The following DALRD3 variants were observed in gnomAD, a reference collection of about 807,000 sequenced individuals.
DALRD3 encodes the protein DALR anticodon binding domain containing 3.
In DALRD3, 47 loss-of-function variants were observed where a neutral mutation model predicts 56.7. The observed-to-expected ratio is 0.83, with a 90% CI of 0.66 to 1.06. The LOEUF is 1.06. Ranked by LOEUF, DALRD3 falls within the 50% of genes least tolerant of loss-of-function variation. The pLI, the probability that DALRD3 is intolerant of heterozygous loss-of-function variation, is 0.00. For synonymous variants in DALRD3, 347 were observed against 308.5 expected (o/e 1.12, Z -1.31); for missense variants, 787 against 724.0 (o/e 1.09, Z -1.00).
chr3:49,017,240 A>G lies in DALRD3; in HGVS notation c.915T>C (p.Ala305=). 1 of 1,614,166 alleles carries G rather than the reference A, an allele frequency of 6.2e-7. No homozygotes were observed. The highest frequency in any genetic ancestry group is 8.5e-7 in the Non-Finnish European group (1 of 1,180,012). ...ATTATTAACCTACCTGTCTGAGTGG[A>G]GCCTTGTCAACCAACTTCTGCCAAA... The part of the protein sequence containing the change: ...DLLWQKLVDK[A]PLRQKHLICG... The change falls in exon 5 of 12, where the codon GCT becomes GCC. Residue 305 remains alanine, a synonymous_variant. Transcript: ENST00000341949.
upstream of DALRD3, chr3:49,018,991 C>T (rs1575296933): frequency 4.1e-6 from 4 of 985,462 alleles, no homozygotes; most frequent in East Asian, 4.5e-4. Flanking sequence ...CTTTCACGAC[C>T]TACTTAAAAT....
At position 49,015,616 on chromosome 3, in the gene DALRD3, A is replaced by G. The variant is rs1559901298; in HGVS notation, c.1604T>C (p.Leu535Pro). The change falls in exon 12 of 12, where the codon CTG (leucine) becomes CCG (proline). Residue 535 changes from leucine (L) to proline (P), a missense_variant. Transcript: ENST00000341949. ...REVLHTGLAM[L>P]GLPPLSHI is the part of the protein sequence containing the mutation. ...AATGTGGCTCAGTGGAGGGAGACCC[A>G]GCATAGCCAGGCCAGTATGGAGCAC... is the stretch of plus-strand genomic sequence containing the variant. 6.2e-7 allele frequency: 1 copy of G among 1,614,036 alleles called. No homozygotes were observed. The highest frequency in any genetic ancestry group is 1.7e-5 in the Admixed American group (1 of 59,984).
chr3:49,016,056 G>C lies in DALRD3; in HGVS notation c.1360C>G (p.Leu454Val). 1 of 1,600,744 alleles carries C rather than the reference G, an allele frequency of 6.2e-7. No individual in the cohort carries two copies. Among genetic ancestry groups the C allele is most frequent in the Non-Finnish European group, 8.5e-7 (1 of 1,171,014 alleles). The change falls in exon 10 of 12, where the codon CTC becomes GTC. Residue 454 changes from leucine to valine, a missense_variant. Physicochemically the swap from Leu to Val is conservative, Grantham distance 32 (BLOSUM62 1). Coordinates refer to ENST00000341949, the MANE Select transcript of DALRD3 (RefSeq NM_001009996.3). ...CGGCTCAGCAGATCCGGAAAGGGGA[G>C]GATACTGTTGAAGAGCAACAACCAC... is the stretch of plus-strand genomic sequence containing the variant. ...GEWLLLFNSI[L>V]PFPDLLSRTA...
In DALRD3 at chr3:49,016,028, G is replaced by C; in HGVS notation, c.1388C>G (p.Thr463Arg). The C allele has an allele frequency of 6.2e-7, 1 of 1,603,528 alleles. No homozygotes were observed. Among genetic ancestry groups the C allele is most frequent in the Non-Finnish European group, 8.5e-7 (1 of 1,172,682 alleles). The part of the protein sequence containing the change: ...ILPFPDLLSR[T>R]AVLDCTAPGL... ...CGGGGCTGTGCAGTCCAGCACTGCTGTCCGGCTCAGCAGATCCGGAAAGGG... is the reference window on the plus strand; with the variant it reads ...CGGGGCTGTGCAGTCCAGCACTGCTCTCCGGCTCAGCAGATCCGGAAAGGG... The change falls in exon 10 of 12, where the codon ACA becomes AGA. Residue 463 changes from threonine (T) to arginine (R), a missense_variant. Thr to Arg is a moderately conservative substitution (Grantham distance 71). Transcript: ENST00000341949.
rs1211162556 is a variant in DALRD3, at chr3:49,015,824, TGTA to T, written c.1489_1491del (p.Tyr497del). ...CTCACCCCCAGGATGTGTACCCGGTTGTAGTAGGAGCTGAAATCCATGCTGAGC... is the reference window on the plus strand; with the variant it reads ...CTCACCCCCAGGATGTGTACCCGGTTGTAGGAGCTGAAATCCATGCTGAGC... On this transcript the variant is annotated inframe_deletion, in exon 11 of 12. Transcript: ENST00000341949. 1.2e-6 allele frequency: 2 copies of T among 1,614,156 alleles called. No homozygotes were observed. The highest frequency in any genetic ancestry group is 1.1e-5 in the South Asian group (1 of 91,086).
At chr3:49,019,060 G>A (rs183158606), upstream of DALRD3, 2,261 of 983,360 alleles carry the variant, frequency 2.3e-3, 4 homozygotes, top group Admixed American at 0.01. Context: ...GCATTTTCTC[G>A]TTTGAGATAT....
rs2093100488 is a variant in DALRD3, at chr3:49,017,465, C to G, written c.767G>C (p.Trp256Ser). ...SVLAELQEAL[W>S]HWPEDSHPGL... ...TGGGTGGCTGTCCTCGGGCCAATGC[C>G]ATAGAGCCTCTTGCAGCTCAGCCAG... The change falls in exon 4 of 12, where the codon TGG (tryptophan) becomes TCG (serine). Residue 256 changes from tryptophan to serine, a missense_variant. By Grantham distance (177) the Trp-to-Ser change is radical. Coordinates refer to ENST00000341949, the MANE Select transcript of DALRD3 (RefSeq NM_001009996.3). 1 of 1,614,124 alleles carries G rather than the reference C, an allele frequency of 6.2e-7. No homozygotes were observed. Among genetic ancestry groups the G allele is most frequent in the African/African-American group, 1.3e-5 (1 of 75,064 alleles).
At position 49,015,570 on chromosome 3, in the gene DALRD3, A is replaced by G. The variant is rs1048532932; in HGVS notation, c.*18T>C. 6.2e-6 allele frequency: 10 copies of G among 1,613,312 alleles called. No homozygotes were observed. The highest frequency in any genetic ancestry group is 1.3e-5 in the African/African-American group (1 of 74,850). On this transcript the variant is annotated 3_prime_UTR_variant, in exon 12 of 12. Coordinates refer to ENST00000341949, the MANE Select transcript of DALRD3 (RefSeq NM_001009996.3). ...GATGACTTTGTGAACATTCCCAGGT[A>G]TTGGAGCCTCTGTGGCCTTAAATGT... is the stretch of plus-strand genomic sequence containing the variant.
Position 49,016,187 on chromosome 3 carries a change from T to G in DALRD3, c.1300A>C (p.Ser434Arg), listed in dbSNP as rs753393900. The part of the protein sequence containing the change: ...GLYPTFPPVS[S>R]LDFSLLHDEG... ...TCATGTAGCAGTGAGAAGTCCAGACTGCTCACAGGAGGAAAAGTGGGGTAC... is the reference window on the plus strand; with the variant it reads ...TCATGTAGCAGTGAGAAGTCCAGACGGCTCACAGGAGGAAAAGTGGGGTAC... The change falls in exon 9 of 12, where the codon AGT becomes CGT. Residue 434 changes from serine (S) to arginine (R), a missense_variant. Transcript: ENST00000341949. 3 of 1,614,166 alleles carry G rather than the reference T, an allele frequency of 1.9e-6. No homozygotes were observed. The highest frequency in any genetic ancestry group is 1.7e-6 in the Non-Finnish European group (2 of 1,180,024).
rs753246937 is a variant in DALRD3 at position 49,015,666 on chromosome 3, C to CA, written c.1553dup (p.Gln519AlafsTer8). On this transcript the variant is annotated frameshift_variant, in exon 12 of 12. Transcript: ENST00000341949. LOFTEE classifies it high-confidence loss of function. ...CCTCACGCACAGCTCTCAGAAGCTGCAGGCGGACGAACATCTGACCAAAGA... is the reference window on the plus strand; with the variant it reads ...CCTCACGCACAGCTCTCAGAAGCTGCAAGGCGGACGAACATCTGACCAAAGA... 4.8e-5 allele frequency: 78 copies of CA among 1,614,008 alleles called. No homozygotes were observed. The highest frequency in any genetic ancestry group is 6.3e-5 in the Non-Finnish European group (74 of 1,180,038).
rs749846952 is a variant in DALRD3 at position 49,018,180 on chromosome 3, C to T, written c.304G>A (p.Val102Met). The change falls in exon 2 of 12, where the codon GTG (valine) becomes ATG (methionine). Residue 102 changes from valine to methionine, a missense_variant. Transcript: ENST00000341949. ...SAVFERVLSA[V>M]AAYATPASPA... Reference sequence around the variant, plus strand: ...GAGGCGGGCGTGGCATAGGCGGCCACGGCGCTGAGGACGCGCTCGAAGACG... The same window carrying T: ...GAGGCGGGCGTGGCATAGGCGGCCATGGCGCTGAGGACGCGCTCGAAGACG... 5.5e-5 allele frequency: 80 copies of T among 1,450,420 alleles called. No homozygotes were observed. The highest frequency in any genetic ancestry group is 1.0e-4 in the South Asian group (7 of 68,334). The allele number at this position is 1,450,420 out of a possible 1,614,324, so 89.8% of individuals were successfully genotyped here. A position where few individuals can be genotyped will look rare whatever the true frequency, so the allele number is the denominator to read the frequency against.
rs530503647 is a variant in DALRD3 at position 49,018,460 on chromosome 3, C to T, written c.105G>A (p.Leu35=). 7.4e-5 allele frequency: 118 copies of T among 1,590,072 alleles called. No individual in the cohort carries two copies. In the South Asian group the frequency reaches 1.3e-3, roughly 18 times the overall value. Residue 35 remains leucine (L), a synonymous_variant, in exon 1 of 12, where the codon CTG becomes CTA. Transcript: ENST00000341949. ...GCGGTGCCAGAAAGTCTCGGGAACG[C>T]AGGTGGCGGGTGCGCGTCTCCTTGA... is the stretch of plus-strand genomic sequence containing the variant. ...VWIKETRTRH[L]RSRDFLAPHR... is the part of the protein sequence containing the mutation.
In DALRD3 at chr3:49,015,550, C is replaced by CTT. The variant is rs779679459; in HGVS notation, c.*36_*37dup. ...TTTTTGCTTTTTTTCCAGTTGATGA[C>CTT]TTTGTGAACATTCCCAGGTATTGGA... On this transcript the variant is annotated 3_prime_UTR_variant, in exon 12 of 12. Transcript: ENST00000341949. 2.5e-6 allele frequency: 4 copies of CTT among 1,608,658 alleles called. No homozygotes were observed. The Admixed American group carries it at 5.1e-5, about 21-fold the overall frequency.
rs368501664 is a variant in DALRD3 at position 49,016,685 on chromosome 3, A to G, written c.1002-12T>C. 61 of 1,608,116 alleles carry G rather than the reference A, an allele frequency of 3.8e-5. 1 individual carries two copies. In the African/African-American group the frequency reaches 6.4e-4, roughly 17 times the overall value. On this transcript the variant is annotated splice_polypyrimidine_tract_variant and intron_variant, in intron 6 of 11. Transcript: ENST00000341949. ...GGGTATGCCGGAACCTGTGTTTGGA[A>G]GAGAGGAAGGCCAGTGGGCAGGGTC...
Position 49,015,499 on chromosome 3 carries a change from C to G in DALRD3, c.*89G>C, listed in dbSNP as rs2093050771. 1.3e-6 allele frequency: 2 copies of G among 1,577,402 alleles called. No individual in the cohort carries two copies. Among genetic ancestry groups the G allele is most frequent in the Admixed American group, 1.7e-5 (1 of 57,640 alleles). ...TGACAAGACAGAACTTTGTAACAAACAGTACCAATTTATTTTGGCCGTGGG... is the reference window on the plus strand; with the variant it reads ...TGACAAGACAGAACTTTGTAACAAAGAGTACCAATTTATTTTGGCCGTGGG... On this transcript the variant is annotated 3_prime_UTR_variant, in exon 12 of 12. Transcript: ENST00000341949.
chr3:49,020,151 A>G (rs992915743), upstream of DALRD3: 2 of 534,192 alleles, frequency 3.7e-6, no homozygotes, highest in Non-Finnish European at 7.7e-6. Context: ...AGGCGCCGAA[A>G]GAGCACTGGG....
At chr3:49,016,703 G>A in intron 6 of DALRD3, 30 bp from the exon 7 acceptor site, 1 of 1,612,018 alleles carries the variant, frequency 6.2e-7, no homozygotes, top group Middle Eastern at 1.7e-4. Flanking sequence ...AGGCCAGTGG[G>A]CAGGGTCCTG....
At position 49,018,492 on chromosome 3, in the gene DALRD3, C is replaced by A; in HGVS notation, c.73G>T (p.Val25Leu). The part of the protein sequence containing the change: ...LNAALGPGGP[V>L]WIKETRTRHL... ...CGGGTGCGCGTCTCCTTGATCCACA[C>A]CGGACCGCCTGGCCCCAGGGCCGCG... Residue 25 changes from valine to leucine, a missense_variant, in exon 1 of 12, where the codon GTG (valine) becomes TTG (leucine). Val to Leu is a conservative substitution (Grantham distance 32). Transcript: ENST00000341949. 6.3e-7 allele frequency: 1 copy of A among 1,587,212 alleles called. No homozygotes were observed. The highest frequency in any genetic ancestry group is 1.1e-5 in the South Asian group (1 of 87,762).
chr3:49,018,985 C>T (rs2093127600), upstream of DALRD3: 1 of 985,474 alleles, frequency 1.0e-6, no homozygotes. Flanking sequence ...AGGCCACTTT[C>T]ACGACCTACT....
Sources: allele counts gnomAD v4.1 joint callset, GRCh38; gene constraint gnomAD v4.1.1; transcripts MANE v1.5; gene names NCBI Gene and HGNC (gene_info 2026-07-23, HGNC 2026-07-21).